UBE2F: variants seen among roughly 807,000 people sequenced by gnomAD.
UBE2F encodes NEDD8-conjugating enzyme UBE2F.
In UBE2F, 5 loss-of-function variants were observed where a neutral mutation model predicts 29.6. The observed-to-expected ratio is 0.17, with a 90% CI of 0.09 to 0.36. The LOEUF is 0.36. Among genes scored for constraint, UBE2F ranks in the 10% least tolerant of loss-of-function variants. UBE2F has a pLI of 1.00. For synonymous variants in UBE2F, 66 were observed against 81.8 expected, an observed-to-expected ratio of 0.81 and a Z score of 1.04; for missense variants, 141 against 228.5, an observed-to-expected ratio of 0.62 and a Z score of 2.47.
At chr2:238,027,874 C>G (rs2106400787) in intron 6 of UBE2F, among the ~76,000 whole-genome samples, 1 of 152,324 alleles carries the variant, frequency 6.6e-6, no homozygotes, top group South Asian at 2.1e-4. Flanking sequence ...GCACCTTCCT[C>G]TTTTAGAGAG....
At chr2:238,032,501 G>C in intron 8 of UBE2F, 1 of 413,920 alleles carries the variant, frequency 2.4e-6, no homozygotes. Context: ...TGTAGTCCCA[G>C]CTGCTTGGAA....
At chr2:238,016,916 A>G (rs916970615) in intron 5 of UBE2F, among the ~76,000 whole-genome samples, 8 of 152,250 alleles carry the variant, frequency 5.3e-5, no homozygotes, top group African/African-American at 1.9e-4. Flanking sequence ...CACTGAAGAA[A>G]AAAAGCATTT....
intron 3 of UBE2F, among the ~76,000 whole-genome samples, chr2:237,991,870 CT>C (rs71402746): frequency 8.0e-4 from 114 of 142,516 alleles, no homozygotes; most frequent in Non-Finnish European, 7.0e-4. Flanking sequence ...TTGATAATTT[CT>C]TTTTTTTTTT....
At chr2:238,016,006 C>T (rs774726853) in intron 4 of UBE2F, among the ~76,000 whole-genome samples, 1 of 152,116 alleles carries the variant, frequency 6.6e-6, no homozygotes, top group African/African-American at 2.4e-5. Flanking sequence ...TACCAGCCCG[C>T]GTTTCTAGAA....
In UBE2F at chr2:238,016,748, C is replaced by G. The variant is rs1322798122; in HGVS notation, c.282+115C>G. ...CCCCTCTGCGTGTGTCCATGTGTGA[C>G]TGAGTACTCACTTCAGTATTTTTGT... On this transcript the variant is annotated intron_variant, in intron 5 of 9. Transcript: ENST00000272930. 4 of 775,056 alleles carry G rather than the reference C, an allele frequency of 5.2e-6. No homozygotes were observed. In the African/African-American group the frequency reaches 7.0e-5, roughly 14 times the overall value. 48.0% of individuals were successfully genotyped at this position (775,056 alleles called of 1,614,324 possible). A position where few individuals can be genotyped will look rare whatever the true frequency, so the allele number is the denominator to read the frequency against.
intron 1 of UBE2F, among the ~76,000 whole-genome samples, chr2:237,971,273 C>T (rs551558481): frequency 1.8e-4 from 28 of 152,226 alleles, no homozygotes; most frequent in South Asian, 8.3e-4. Flanking sequence ...TAAAATGATA[C>T]GAAAGCAACA....
chr2:238,003,510 A>AT (rs1266653097), intron 4 of UBE2F: 1 of 427,094 alleles, frequency 2.3e-6, no homozygotes, highest in African/African-American at 2.0e-5. Context: ...CTCTCGTGGG[A>AT]TGCTCAGGCT....
At chr2:237,978,120 A>G (rs2063317195) in intron 2 of UBE2F, among the ~76,000 whole-genome samples, 1 of 152,172 alleles carries the variant, frequency 6.6e-6, no homozygotes, top group African/African-American at 2.4e-5. Context: ...TGAGATAGTC[A>G]GGTTTTCCTG....
chr2:238,003,804 A>G (rs12692207), intron 4 of UBE2F, among the ~76,000 whole-genome samples: 130,661 of 152,124 alleles, frequency 0.86, 56,270 homozygotes, highest in East Asian at 0.97. Context: ...CCATTCTTAG[A>G]TAGACAGCTC....
chr2:238,026,558 C>T lies in UBE2F; in HGVS notation c.353+1146C>T, dbSNP rs188453470. ...ACGCCATTCTCCTGCCTCAGCGTCCCGAGTAGCTGGGACTACAGGCGCCTA... is the reference window on the plus strand; with the variant it reads ...ACGCCATTCTCCTGCCTCAGCGTCCTGAGTAGCTGGGACTACAGGCGCCTA... On this transcript the variant is annotated intron_variant, in intron 6 of 9. Transcript: ENST00000272930. Among the ~76,000 whole-genome samples, 47 of 152,168 alleles carry T rather than the reference C, an allele frequency of 3.1e-4. No individual in the cohort carries two copies. In the East Asian group the frequency reaches 7.5e-3, roughly 24 times the overall value.
chr2:237,973,037 C>T, intron 1 of UBE2F, 55 bp from the exon 2 acceptor site: 1 of 1,526,594 alleles, frequency 6.6e-7, no homozygotes. Flanking sequence ...TTCTCAGTGT[C>T]TAATTAGTCT....
chr2:237,991,609 C>CTTTCTTTCTTTTTTTTTTTTTTTT (rs57180067), intron 3 of UBE2F, among the ~76,000 whole-genome samples: 82 of 53,028 alleles, frequency 1.5e-3, no homozygotes, highest in East Asian at 3.6e-3. Context: ...TTCTTTCTTT[C>CTTTCTTTCTTTTTTTTTTTTTTTT]TTTTTTTTTT....
rs76645597 is a variant in UBE2F at position 238,003,516 on chromosome 2, A to T, written c.214+8707A>T. On this transcript the variant is annotated intron_variant, in intron 4 of 9. Transcript: ENST00000272930. ...AGTCAGATTCTCTCGTGGGATGCTC[A>T]GGCTTCCTGAAGTGAGTATGACATG... 3,146 of 421,776 alleles carry T rather than the reference A, an allele frequency of 7.5e-3. 87 individuals are homozygous for T. Among genetic ancestry groups the T allele is most frequent in the African/African-American group, 0.058 (2,893 of 49,496 alleles). The allele number at this position is 421,776 out of a possible 1,614,324, so 26.1% of individuals were successfully genotyped here.
intron 1 of UBE2F, chr2:237,969,041 A>G: frequency 6.4e-6 from 1 of 155,954 alleles, no homozygotes. Flanking sequence ...GCGTGTGAAA[A>G]TGATACACAC....
At chr2:238,007,417 C>T (rs2063931345) in intron 4 of UBE2F, among the ~76,000 whole-genome samples, 5 of 152,124 alleles carry the variant, frequency 3.3e-5, no homozygotes, top group Admixed American at 2.6e-4. Flanking sequence ...CCACTGAGTC[C>T]GGCCTTGCTA....
At chr2:237,969,113 A>G (rs2063120519) in intron 1 of UBE2F, among the ~76,000 whole-genome samples, 1 of 152,182 alleles carries the variant, frequency 6.6e-6, no homozygotes, top group African/African-American at 2.4e-5. Context: ...TACATTTTTT[A>G]TTACTTTCTA....
rs2064694124 is a variant in UBE2F at position 238,035,734 on chromosome 2, C to T, written c.445-144C>T. The T allele has an allele frequency of 6.5e-6, 4 of 619,440 alleles. No homozygotes were observed. The Admixed American group carries it at 8.6e-5, about 13-fold the overall frequency. The allele number at this position is 619,440 out of a possible 1,614,324, so 38.4% of individuals were successfully genotyped here. On this transcript the variant is annotated intron_variant, in intron 8 of 9. Coordinates refer to ENST00000272930, the MANE Select transcript of UBE2F (RefSeq NM_080678.3). Reference sequence around the variant, plus strand: ...GTTCGATATTTTGGTATCACAAGCACTTGAGTTCTTAGTGGGATTCTCAGC... The same window carrying T: ...GTTCGATATTTTGGTATCACAAGCATTTGAGTTCTTAGTGGGATTCTCAGC...
intron 5 of UBE2F, among the ~76,000 whole-genome samples, chr2:238,016,879 C>G (rs1481678448): frequency 3.3e-5 from 5 of 152,162 alleles, no homozygotes; most frequent in Non-Finnish European, 5.9e-5. Context: ...TGTGTATTTT[C>G]TATAACTCTT....
At position 238,041,566 on chromosome 2, in the gene UBE2F, G is replaced by A. The variant is rs2064837643; in HGVS notation, c.*228G>A. The A allele has an allele frequency of 3.9e-6, 2 of 507,170 alleles. No individual in the cohort carries two copies. The allele number at this position is 507,170 out of a possible 1,614,324, so 31.4% of individuals were successfully genotyped here. ...AATGTGTTTGGGCTTCTGAAGAGTT[G>A]TCTGCTTACCTTAACATGTTTACTT... On this transcript the variant is annotated 3_prime_UTR_variant, in exon 10 of 10. Coordinates refer to ENST00000272930, the MANE Select transcript of UBE2F (RefSeq NM_080678.3).
Sources: gnomAD v4.1 joint callset for allele counts (sites outside exome capture counted in the v4.1 genomes callset) on GRCh38, gnomAD v4.1.1 for gene constraint, MANE v1.5 for transcripts, NCBI Gene and HGNC (gene_info 2026-07-23, HGNC 2026-07-21) for gene names.